The following ZBTB8A variants were observed in gnomAD, a reference collection of about 807,000 sequenced individuals.
ZBTB8A encodes zinc finger and BTB domain-containing protein 8A.
In ZBTB8A, 19 loss-of-function variants were observed where a neutral mutation model predicts 37.8. The observed-to-expected ratio is 0.50, with a 90% CI of 0.35 to 0.74. The LOEUF is 0.74. Among genes scored for constraint, ZBTB8A ranks in the 30% least tolerant of loss-of-function variants. The pLI is 0.01. For synonymous variants in ZBTB8A, 181 were observed against 185.2 expected (o/e 0.98, Z 0.19); for missense variants, 394 against 537.8 (o/e 0.73, Z 2.65).
chr1:32,539,799 C>CGCCCGGCCCG (rs968087664), intron 1 of ZBTB8A, among the ~76,000 whole-genome samples: 2 of 145,746 alleles, frequency 1.4e-5, no homozygotes, highest in African/African-American at 5.0e-5. Flanking sequence ...CCCGCCTCGC[C>CGCCCGGCCCG]GCCCGGCCCG....
chr1:32,595,283 T>C (rs540451453), intron 4 of ZBTB8A, 60 bp downstream of exon 4: 16 of 1,562,410 alleles, frequency 1.0e-5, no homozygotes, highest in Non-Finnish European at 1.4e-5. Context: ...TTTTTGTTTT[T>C]TTGAGATGGA....
intron 2 of ZBTB8A, among the ~76,000 whole-genome samples, chr1:32,560,451 T>A (rs985876795): frequency 6.6e-6 from 1 of 152,046 alleles, no homozygotes; most frequent in Admixed American, 6.6e-5. Flanking sequence ...TTTTCCTTTC[T>A]CTTCTTCCTG....
rs1166588776 is a variant in ZBTB8A at position 32,603,803 on chromosome 1, CA to C, written c.*3388del. The C allele has an allele frequency of 6.6e-6, 1 of 152,626 alleles. No individual in the cohort carries two copies. Among genetic ancestry groups the C allele is most frequent in the African/African-American group, 2.4e-5 (1 of 41,456 alleles). 9.5% of individuals were successfully genotyped at this position (152,626 alleles called of 1,614,324 possible). ...TATAACGAGCATCAAACTATCCCCA[CA>C]AAATGATCAAGTTCACCAAACTAGA... On this transcript the variant is annotated 3_prime_UTR_variant, in exon 5 of 5. Coordinates refer to ENST00000373510, the MANE Select transcript of ZBTB8A (RefSeq NM_001040441.3).
At chr1:32,555,648 C>G (rs990504602) in intron 2 of ZBTB8A, among the ~76,000 whole-genome samples, 2 of 152,160 alleles carry the variant, frequency 1.3e-5, no homozygotes, top group Non-Finnish European at 2.9e-5. Context: ...TCAGCCCATG[C>G]TTCCTCTGAG....
In ZBTB8A at chr1:32,594,856, A is replaced by G. The variant is rs984525893; in HGVS notation, c.824-198A>G. On this transcript the variant is annotated intron_variant, in intron 3 of 4. Coordinates refer to ENST00000373510, the MANE Select transcript of ZBTB8A (RefSeq NM_001040441.3). Reference sequence around the variant, plus strand: ...GTTAAAGTTCCATACTTAGGATTACATTGACAATCTAGTCTTAATAAAATT... The same window carrying G: ...GTTAAAGTTCCATACTTAGGATTACGTTGACAATCTAGTCTTAATAAAATT... Among the ~76,000 whole-genome samples, 3 of 152,024 alleles carry G rather than the reference A, an allele frequency of 2.0e-5. No individual in the cohort carries two copies. In the East Asian group the frequency reaches 5.8e-4, roughly 29 times the overall value.
intron 1 of ZBTB8A, among the ~76,000 whole-genome samples, chr1:32,551,470 T>C (rs1644155191): frequency 1.3e-5 from 2 of 151,514 alleles, no homozygotes; most frequent in African/African-American, 4.9e-5. Flanking sequence ...ATCCCAGCAA[T>C]TTGGGAGGCT....
At chr1:32,591,908 A>G (rs973613695) in intron 2 of ZBTB8A, among the ~76,000 whole-genome samples, 14 of 152,044 alleles carry the variant, frequency 9.2e-5, no homozygotes, top group Admixed American at 3.3e-4. Flanking sequence ...GCATGGCGCA[A>G]CCTCGGCTCA....
intron 2 of ZBTB8A, among the ~76,000 whole-genome samples, chr1:32,576,880 CTT>C (rs960174277): frequency 9.5e-6 from 1 of 104,862 alleles, no homozygotes. Context: ...TTTTTTTTTT[CTT>C]TTTTTTTTGA....
At chr1:32,553,375 T>G (rs1302316191) in intron 1 of ZBTB8A, 84 bp from the exon 2 acceptor site, 2 of 152,206 alleles carry the variant, frequency 1.3e-5, no homozygotes, top group Non-Finnish European at 2.9e-5. Context: ...ATAGTTTATT[T>G]AAATAAATAT....
chr1:32,592,706 C>T (rs1459946378), intron 2 of ZBTB8A, among the ~76,000 whole-genome samples: 2 of 152,038 alleles, frequency 1.3e-5, no homozygotes, highest in South Asian at 4.2e-4. Context: ...AGGGTTTCGC[C>T]ATGTTGTCCA....
intron 2 of ZBTB8A, among the ~76,000 whole-genome samples, chr1:32,571,935 AT>A (rs1644325918): frequency 1.3e-5 from 2 of 151,414 alleles, no homozygotes; most frequent in Admixed American, 1.3e-4. Flanking sequence ...ACGGAATCTC[AT>A]TCTGTCACCT....
chr1:32,553,938 G>A (rs1453452247), intron 2 of ZBTB8A, among the ~76,000 whole-genome samples: 3 of 148,104 alleles, frequency 2.0e-5, no homozygotes, highest in Admixed American at 1.4e-4. Flanking sequence ...GGTGGCTCAC[G>A]CCTGTAATCC....
rs1438071777 is a variant in ZBTB8A, at chr1:32,558,436, TAAAC to T, written c.-2+4898_-2+4901del. Among the ~76,000 whole-genome samples, 5 of 126,612 alleles carry T rather than the reference TAAAC, an allele frequency of 3.9e-5. No homozygotes were observed. The South Asian group carries it at 7.1e-4, about 18-fold the overall frequency. The allele number at this position is 126,612 out of a possible 152,430, so 83.1% of individuals were successfully genotyped here. A position where few individuals can be genotyped will look rare whatever the true frequency, so the allele number is the denominator to read the frequency against. On this transcript the variant is annotated intron_variant, in intron 2 of 4. Transcript: ENST00000373510. ...AATACTTTCTAGAAGAGCTAAGTAT[TAAAC>T]ACACACACACACACACACACACACA...
intron 2 of ZBTB8A, among the ~76,000 whole-genome samples, chr1:32,559,873 T>A (rs901226557): frequency 2.0e-5 from 3 of 152,078 alleles, no homozygotes; most frequent in Non-Finnish European, 4.4e-5. Context: ...GGAAGGGAGA[T>A]ATGAGCACGC....
chr1:32,551,861 C>G (rs1488504033), intron 1 of ZBTB8A, among the ~76,000 whole-genome samples: 1 of 152,162 alleles, frequency 6.6e-6, no homozygotes, highest in Non-Finnish European at 1.5e-5. Flanking sequence ...GCATGAGCCA[C>G]TGGGCCCAGC....
intron 1 of ZBTB8A, among the ~76,000 whole-genome samples, chr1:32,550,913 C>T (rs576992062): frequency 6.0e-5 from 9 of 150,012 alleles, no homozygotes; most frequent in Admixed American, 4.0e-4. Flanking sequence ...GCCAAGATCG[C>T]GCCATTGCAC....
Position 32,593,266 on chromosome 1 carries a change from G to T in ZBTB8A, c.335G>T (p.Ser112Ile). 6.2e-7 allele frequency: 1 copy of T among 1,614,148 alleles called. No homozygotes were observed. Among genetic ancestry groups the T allele is most frequent in the Non-Finnish European group, 8.5e-7 (1 of 1,180,034 alleles). Residue 112 changes from serine to isoleucine, a missense_variant, in exon 3 of 5, where the codon AGT (serine) becomes ATT (isoleucine). This residue lies in a region of ZBTB8A where 96 missense variants were observed against 165.6 expected (regional missense o/e 0.58). Coordinates refer to ENST00000373510, the MANE Select transcript of ZBTB8A (RefSeq NM_001040441.3). Reference protein sequence around the residue: ...ASFLQMTDVISVCKTFIKSSL... With the variant: ...ASFLQMTDVIIVCKTFIKSSL... ...TTCCTTCAGATGACTGATGTCATAAGTGTATGTAAGACTTTTATTAAATCT... is the reference window on the plus strand; with the variant it reads ...TTCCTTCAGATGACTGATGTCATAATTGTATGTAAGACTTTTATTAAATCT...
intron 2 of ZBTB8A, among the ~76,000 whole-genome samples, chr1:32,553,956 T>A (rs1252352491): frequency 6.6e-6 from 1 of 151,580 alleles, no homozygotes; most frequent in Non-Finnish European, 1.5e-5. Flanking sequence ...TCCCAGCACT[T>A]TGGGAGGCCA....
chr1:32,546,990 C>T (rs1644109942), intron 1 of ZBTB8A, among the ~76,000 whole-genome samples: 1 of 152,018 alleles, frequency 6.6e-6, no homozygotes, highest in Non-Finnish European at 1.5e-5. Flanking sequence ...CAGCCTCAGC[C>T]TCTCAGGCTC....
Sources: allele counts gnomAD v4.1 joint callset (sites outside exome capture counted in the v4.1 genomes callset), GRCh38; gene constraint gnomAD v4.1.1; regional missense constraint gnomAD v4.1.1; transcripts MANE v1.5; gene names NCBI Gene and HGNC (gene_info 2026-07-23, HGNC 2026-07-21).